KCNN2: variants seen among roughly 807,000 people sequenced by gnomAD.
KCNN2 encodes the protein small conductance calcium-activated potassium channel protein 2.
A neutral mutation model predicts 55.5 loss-of-function variants in KCNN2; 24 were observed. The ratio of observed to expected loss-of-function variants is 0.43; its 90% CI spans 0.31 to 0.61. KCNN2 has a LOEUF of 0.61. Ranked by LOEUF, KCNN2 falls within the 20% of genes least tolerant of loss-of-function variation. The pLI is 0.08. For missense variants in KCNN2, 754 were observed against 853.6 expected (o/e 0.88, Z 1.45); for synonymous variants, 431 against 336.1 (o/e 1.28, Z -3.09).
intron 1 of KCNN2, among the ~76,000 whole-genome samples, chr5:114,093,509 C>A (rs1281828758): frequency 9.2e-5 from 14 of 152,144 alleles, no homozygotes; most frequent in Admixed American, 9.2e-4. Flanking sequence ...TACCAATTTA[C>A]TGTATTACTC....
At chr5:114,317,204 A>G (rs192634452) in intron 2 of KCNN2, among the ~76,000 whole-genome samples, 5 of 152,212 alleles carry the variant, frequency 3.3e-5, no homozygotes, top group Admixed American at 2.6e-4. Context: ...TGTCTGGACT[A>G]TAGAGATTTG....
At chr5:114,090,588 C>CAT (rs1561471015) in intron 1 of KCNN2, among the ~76,000 whole-genome samples, 37 of 122,156 alleles carry the variant, frequency 3.0e-4, no homozygotes, top group Non-Finnish European at 5.9e-4. Context: ...TATATATATA[C>CAT]ATATATATAC....
At chr5:114,482,321 A>G (rs779151464) in intron 5 of KCNN2, among the ~76,000 whole-genome samples, 1 of 152,204 alleles carries the variant, frequency 6.6e-6, no homozygotes, top group African/African-American at 2.4e-5. Flanking sequence ...GGAAACCACA[A>G]TGAGATACCA....
chr5:114,379,451 GAATATATTATA>G (rs1758036887), intron 2 of KCNN2, among the ~76,000 whole-genome samples: 1 of 115,380 alleles, frequency 8.7e-6, no homozygotes, highest in African/African-American at 2.8e-5. Flanking sequence ...TATATTTATA[GAATATATTATA>G]TAACATATTA....
In KCNN2 at chr5:114,166,091, C is replaced by T. The variant is rs188457338; in HGVS notation, c.-270-55389C>T. On this transcript the variant is annotated intron_variant, in intron 1 of 10. Transcript: ENST00000512097. ...ATTTTTAGTAGAAATGGGGTTTCAC[C>T]GTGTTAGTTAGGATGGTCTCAATGT... Among the ~76,000 whole-genome samples the T allele has an allele frequency of 2.9e-4, 44 of 151,924 alleles. 1 individual carries two copies. In the East Asian group the frequency reaches 7.9e-3, roughly 27 times the overall value.
chr5:114,229,509 T>A (rs913230602), intron 2 of KCNN2, among the ~76,000 whole-genome samples: 8 of 152,020 alleles, frequency 5.3e-5, no homozygotes, highest in Non-Finnish European at 1.0e-4. Flanking sequence ...ATTCTAAAAG[T>A]TTTTCCTTAA....
chr5:114,438,934 G>T (rs1325162918), intron 3 of KCNN2, among the ~76,000 whole-genome samples: 1 of 152,132 alleles, frequency 6.6e-6, no homozygotes, highest in Admixed American at 6.5e-5. Context: ...ATAACTTTCT[G>T]TGGTGTCATT....
At chr5:114,409,773 G>C (rs1194136075) in intron 3 of KCNN2, among the ~76,000 whole-genome samples, 1 of 152,146 alleles carries the variant, frequency 6.6e-6, no homozygotes, top group Non-Finnish European at 1.5e-5. Flanking sequence ...TATTAATGGG[G>C]AGAGCATCCT....
intron 1 of KCNN2, among the ~76,000 whole-genome samples, chr5:114,176,803 C>T (rs185574833): frequency 1.1e-4 from 17 of 152,040 alleles, no homozygotes; most frequent in East Asian, 3.9e-4. Flanking sequence ...TTTATGAGGG[C>T]GATGAATAAT....
intron 2 of KCNN2, among the ~76,000 whole-genome samples, chr5:114,326,424 C>T (rs939389473): frequency 3.9e-5 from 6 of 152,120 alleles, no homozygotes; most frequent in Non-Finnish European, 8.8e-5. Context: ...GGAGCTTCTG[C>T]TGGATTGGGA....
intron 2 of KCNN2, among the ~76,000 whole-genome samples, chr5:114,383,442 A>G (rs1055332420): frequency 1.3e-5 from 2 of 150,742 alleles, no homozygotes; most frequent in African/African-American, 4.9e-5. Flanking sequence ...ATGCTAGAAG[A>G]CATACTAAGC....
intron 2 of KCNN2, among the ~76,000 whole-genome samples, chr5:114,378,432 C>T (rs563850986): frequency 5.9e-5 from 9 of 152,200 alleles, no homozygotes; most frequent in Non-Finnish European, 1.2e-4. Flanking sequence ...CTGTTTTATT[C>T]GCTCTGATTT....
chr5:114,388,725 A>G (rs185465855), intron 2 of KCNN2, among the ~76,000 whole-genome samples: 1 of 152,078 alleles, frequency 6.6e-6, no homozygotes, highest in Non-Finnish European at 1.5e-5. Flanking sequence ...TTTCCCCCTG[A>G]GAAATAGTTA....
At chr5:114,088,618 A>ATTTGT (rs1751068107) in intron 1 of KCNN2, among the ~76,000 whole-genome samples, 1 of 150,738 alleles carries the variant, frequency 6.6e-6, no homozygotes, top group East Asian at 2.0e-4. Context: ...TTTTGTTGTT[A>ATTTGT]TTTGTTTTGT....
intron 2 of KCNN2, among the ~76,000 whole-genome samples, chr5:114,381,684 T>G (rs918920073): frequency 1.3e-5 from 2 of 152,238 alleles, no homozygotes; most frequent in African/African-American, 4.8e-5. Flanking sequence ...CTGTGAAGCC[T>G]TCTCATTATT....
chr5:114,383,937 T>C (rs1482571839), intron 2 of KCNN2, among the ~76,000 whole-genome samples: 1 of 152,248 alleles, frequency 6.6e-6, no homozygotes, highest in African/African-American at 2.4e-5. Context: ...CTAATGTGTA[T>C]CATGTGCCTA....
intron 1 of KCNN2, among the ~76,000 whole-genome samples, chr5:114,199,989 G>A (rs187617048): frequency 2.5e-3 from 379 of 152,108 alleles, no homozygotes; most frequent in Non-Finnish European, 2.2e-3. Flanking sequence ...ATATGCTGTG[G>A]TGAGGACCTT....
At chr5:114,278,727 G>T (rs996842088) in intron 2 of KCNN2, among the ~76,000 whole-genome samples, 1 of 152,224 alleles carries the variant, frequency 6.6e-6, no homozygotes, top group Admixed American at 6.5e-5. Context: ...CATGGGGAAA[G>T]TGCAGTATTT....
intron 2 of KCNN2, among the ~76,000 whole-genome samples, chr5:114,279,833 C>A (rs1413116656): frequency 6.6e-6 from 1 of 151,980 alleles, no homozygotes; most frequent in Non-Finnish European, 1.5e-5. Flanking sequence ...GATGGCTGGG[C>A]CAAATGGTAT....
Sources: gnomAD v4.1 joint callset for allele counts (sites outside exome capture counted in the v4.1 genomes callset) on GRCh38, gnomAD v4.1.1 for gene constraint, MANE v1.5 for transcripts, NCBI Gene and HGNC (gene_info 2026-07-23, HGNC 2026-07-21) for gene names.